Variants in PDE4DIP observed in about 807,000 individuals in gnomAD.
PDE4DIP encodes myomegalin.
Under a neutral mutation model 221.4 loss-of-function variants are expected in PDE4DIP, and 59 were observed. The observed-to-expected ratio is 0.27, with a 90% CI of 0.22 to 0.33. The LOEUF (loss-of-function observed/expected upper bound fraction) is 0.33, where lower values mean the gene tolerates loss of function less well. Among genes scored for constraint, PDE4DIP ranks in the 10% least tolerant of loss-of-function variants. The pLI is 1.00. For missense variants in PDE4DIP, 1,036 were observed against 2,154.2 expected (o/e 0.48, Z 10.28); for synonymous variants, 404 against 815.9 (o/e 0.50, Z 8.60).
intron 1 of PDE4DIP, among the ~76,000 whole-genome samples, chr1:148,821,693 A>C (rs1338174072): frequency 6.9e-6 from 1 of 144,956 alleles, no homozygotes; most frequent in Non-Finnish European, 1.5e-5. Context: ...AGGCCGTGGT[A>C]AGAAGTGGAT....
In PDE4DIP at chr1:148,967,759, GA is replaced by G; in HGVS notation, c.1641del (p.Val548TrpfsTer14). ...GAGTCTCCTGAGGGCCAAAGGCCTG[GA>G]AGTGGAACAGTTATCTACTACCTGT... is the stretch of plus-strand genomic sequence containing the variant. On this transcript the variant is annotated frameshift_variant, in exon 13 of 44. Transcript: ENST00000369354. LOFTEE classifies it high-confidence loss of function. 1 of 1,557,012 alleles carries G rather than the reference GA, an allele frequency of 6.4e-7. No individual in the cohort carries two copies. Among genetic ancestry groups the G allele is most frequent in the Non-Finnish European group, 8.9e-7 (1 of 1,128,294 alleles).
At position 148,902,679 on chromosome 1, in the gene PDE4DIP, G is replaced by A. The variant is rs868958779; in HGVS notation, c.141+12785G>A. Among the ~76,000 whole-genome samples, 170 of 85,382 alleles carry A rather than the reference G, an allele frequency of 2.0e-3. No homozygotes were observed. The East Asian group carries it at 0.066, about 33-fold the overall frequency. The allele number at this position is 85,382 out of a possible 152,430, so 56.0% of individuals were successfully genotyped here. A position where few individuals can be genotyped will look rare whatever the true frequency, so the allele number is the denominator to read the frequency against. On this transcript the variant is annotated intron_variant, in intron 1 of 43. Transcript: ENST00000369354. ...ATCTCATCCAGATCATTGTGAATGC[G>A]TTAATTTATTCCTTTTATTGGCTGA...
At chr1:149,032,022 A>G (rs1553638764) in exon 44 of PDE4DIP, 4 of 1,611,308 alleles carry the variant, frequency 2.5e-6, no homozygotes, top group Non-Finnish European at 3.4e-6. Flanking sequence ...AAGCGCAGCC[A>G]CCAGAAGTCC....
At chr1:148,915,991 TG>T (rs2043971843) in intron 1 of PDE4DIP, among the ~76,000 whole-genome samples, 1 of 146,392 alleles carries the variant, frequency 6.8e-6, no homozygotes, top group African/African-American at 2.6e-5. Context: ...CAAGATGCTA[TG>T]AGACCACAGG....
chr1:149,029,778 C>T lies in PDE4DIP; in HGVS notation c.6814-9C>T, dbSNP rs1189051023. On this transcript the variant is annotated splice_polypyrimidine_tract_variant and intron_variant, in intron 41 of 43. Transcript: ENST00000369354. ...GCCTGGTCAGTAAGAGTCTGTTCCT[C>T]TTATCCAGGGAGAATCAACAGAAAG... is the stretch of plus-strand genomic sequence containing the variant. 6.6e-6 allele frequency: 9 copies of T among 1,367,422 alleles called. No homozygotes were observed. The highest frequency in any genetic ancestry group is 2.5e-4 in the Middle Eastern group (1 of 3,960). 84.7% of individuals were successfully genotyped at this position (1,367,422 alleles called of 1,614,324 possible). A position where few individuals can be genotyped will look rare whatever the true frequency, so the allele number is the denominator to read the frequency against.
At chr1:149,032,402 C>A (rs1354958026) in exon 44 of PDE4DIP, 1 of 464,138 alleles carries the variant, frequency 2.2e-6, no homozygotes, top group Non-Finnish European at 4.0e-6. Context: ...GCACGTGGTC[C>A]CAATGCTGGA....
At chr1:148,985,217 G>T (rs2061710821) in intron 21 of PDE4DIP, 1 of 152,032 alleles carries the variant, frequency 6.6e-6, no homozygotes, top group Non-Finnish European at 1.5e-5. Flanking sequence ...TGGTAGTGTG[G>T]AACCATTTGT....
chr1:148,815,157 G>A (rs1481438128), intron 1 of PDE4DIP, among the ~76,000 whole-genome samples: 6 of 117,130 alleles, frequency 5.1e-5, no homozygotes, highest in Non-Finnish European at 1.1e-4. Flanking sequence ...GTAGAAAGAA[G>A]AGACAAAGAT....
At chr1:149,023,062 C>T (rs1177602298) in intron 37 of PDE4DIP, among the ~76,000 whole-genome samples, 13 of 152,356 alleles carry the variant, frequency 8.5e-5, no homozygotes, top group Admixed American at 5.9e-4. Context: ...TACCAAAGTC[C>T]CTAAAATTGG....
intron 18 of PDE4DIP, 43 bp downstream of exon 21, chr1:148,978,096 T>G (rs2060510647): frequency 6.4e-7 from 1 of 1,555,414 alleles, no homozygotes; most frequent in African/African-American, 1.4e-5. Context: ...TGTTCACAGC[T>G]CAGAATACCT....
intron 32 of PDE4DIP, among the ~76,000 whole-genome samples, chr1:149,015,522 T>C: frequency 6.6e-6 from 1 of 152,124 alleles, no homozygotes; most frequent in Non-Finnish European, 1.5e-5. Flanking sequence ...ATCTCCCCCA[T>C]GCTAGGCTTC....
rs1366218840 is a variant in PDE4DIP, at chr1:148,999,365, A to C, written c.3137+990A>C. On this transcript the variant is annotated intron_variant, in intron 23 of 43. Coordinates refer to ENST00000369354, the Ensembl canonical transcript of PDE4DIP. ...TTCCCTGCATGTTACATACCACTTA[A>C]ATTTCCCTGAATAATGTTAGCACTT... Among the ~76,000 whole-genome samples the C allele has an allele frequency of 9.2e-5, 14 of 152,118 alleles. 1 individual carries two copies. The highest frequency in any genetic ancestry group is 6.5e-5 in the Admixed American group (1 of 15,270).
chr1:148,986,781 G>A (rs1384799392), intron 21 of PDE4DIP, among the ~76,000 whole-genome samples: 1 of 152,198 alleles, frequency 6.6e-6, no homozygotes, highest in African/African-American at 2.4e-5. Flanking sequence ...AGAGGTTTCA[G>A]GAGCCAACTG....
intron 1 of PDE4DIP, among the ~76,000 whole-genome samples, chr1:148,914,496 G>T (rs587690640): frequency 2.0e-5 from 3 of 150,232 alleles, no homozygotes; most frequent in East Asian, 2.0e-4. Flanking sequence ...ACATGGTGGC[G>T]CATGCCTGTA....
At chr1:148,826,438 G>T in intron 1 of PDE4DIP, among the ~76,000 whole-genome samples, 1 of 91,300 alleles carries the variant, frequency 1.1e-5, no homozygotes, top group Non-Finnish European at 2.2e-5. Context: ...GTTTTGTTTT[G>T]GTTTTTGAGA....
At chr1:149,007,004 T>C in intron 27 of PDE4DIP, among the ~76,000 whole-genome samples, 197 bp from the exon 31 acceptor site, 1 of 146,192 alleles carries the variant, frequency 6.8e-6, no homozygotes, top group East Asian at 2.0e-4. Context: ...GCCCGGCCCG[T>C]ACTAAGTTTT....
intron 23 of PDE4DIP, among the ~76,000 whole-genome samples, chr1:148,999,404 G>A: frequency 6.6e-6 from 1 of 152,130 alleles, no homozygotes; most frequent in Non-Finnish European, 1.5e-5. Context: ...AAAGGGCCCA[G>A]GCATCTAGCC....
rs781941539 is a variant in PDE4DIP, at chr1:148,977,917, A to T, written c.2320-20A>T. 6.2e-7 allele frequency: 1 copy of T among 1,609,092 alleles called. No homozygotes were observed. Among genetic ancestry groups the T allele is most frequent in the South Asian group, 1.1e-5 (1 of 89,904 alleles). ...GTGTTAAAATGTAAACATGGCAGAC[A>T]TTGTTTCCTCTTTTCACAGATGGAA... On this transcript the variant is annotated intron_variant, in intron 17 of 43. Transcript: ENST00000369354.
At chr1:148,823,833 G>A (rs1669949581) in intron 1 of PDE4DIP, among the ~76,000 whole-genome samples, 1 of 150,576 alleles carries the variant, frequency 6.6e-6, no homozygotes, top group Admixed American at 6.6e-5. Flanking sequence ...TCTCGAGTGA[G>A]CATGCTTTGG....
Sources: allele counts gnomAD v4.1 joint callset (sites outside exome capture counted in the v4.1 genomes callset), GRCh38; gene constraint gnomAD v4.1.1; transcripts MANE v1.5; gene names NCBI Gene and HGNC (gene_info 2026-07-23, HGNC 2026-07-21).